The following GPC6 variants were observed in gnomAD, a reference collection of about 807,000 sequenced individuals.
GPC6 encodes glypican-6.
In GPC6, 14 loss-of-function variants were observed where a neutral mutation model predicts 55.2. The ratio of observed to expected loss-of-function variants is 0.25; its 90% CI spans 0.17 to 0.40. The LOEUF (loss-of-function observed/expected upper bound fraction) is 0.40, where lower values mean the gene tolerates loss of function less well. Among genes scored for constraint, GPC6 ranks in the 10% least tolerant of loss-of-function variants. The pLI, the probability that GPC6 is intolerant of heterozygous loss-of-function variation, is 1.00. For missense variants in GPC6, 641 were observed against 708.5 expected (o/e 0.90, Z 1.08); for synonymous variants, 278 against 259.6 (o/e 1.07, Z -0.68).
chr13:94,254,716 C>CT (rs1318049879), intron 4 of GPC6, among the ~76,000 whole-genome samples: 1 of 151,910 alleles, frequency 6.6e-6, no homozygotes, highest in Non-Finnish European at 1.5e-5. Context: ...AAAAAAATCT[C>CT]TTTTTTGGCC....
At chr13:93,827,145 G>A (rs1887294068) in intron 2 of GPC6, among the ~76,000 whole-genome samples, 1 of 152,154 alleles carries the variant, frequency 6.6e-6, no homozygotes, top group South Asian at 2.1e-4. Flanking sequence ...AAAAATTTTT[G>A]TTGACTGAAG....
intron 7 of GPC6, among the ~76,000 whole-genome samples, chr13:94,394,880 C>T (rs1396263325): frequency 6.6e-6 from 1 of 152,130 alleles, no homozygotes; most frequent in Non-Finnish European, 1.5e-5. Context: ...CTTATTGTTC[C>T]TGGATGTTCA....
At chr13:94,147,087 T>G (rs1235300718) in intron 4 of GPC6, among the ~76,000 whole-genome samples, 2 of 152,134 alleles carry the variant, frequency 1.3e-5, no homozygotes, top group Non-Finnish European at 2.9e-5. Context: ...CTACTAAATT[T>G]AAAATACAGA....
chr13:94,374,886 T>G (rs1368463001), intron 6 of GPC6, among the ~76,000 whole-genome samples: 4 of 139,684 alleles, frequency 2.9e-5, no homozygotes, highest in African/African-American at 1.1e-4. Context: ...GCAATCAAAC[T>G]AGAACTCAGG....
chr13:93,451,740 A>G (rs1210319221), intron 1 of GPC6, among the ~76,000 whole-genome samples: 1 of 152,234 alleles, frequency 6.6e-6, no homozygotes, highest in East Asian at 1.9e-4. Flanking sequence ...AATTTAAAAC[A>G]AAATTCTTTT....
intron 4 of GPC6, among the ~76,000 whole-genome samples, chr13:94,116,307 G>T (rs966678748): frequency 1.3e-5 from 2 of 152,008 alleles, no homozygotes; most frequent in African/African-American, 4.8e-5. Context: ...TGATATTGGT[G>T]TTACGGTGGT....
rs1295543797 is a variant in GPC6, at chr13:94,288,896, C to CAAAT, written c.1008+2419_1008+2422dup. 3.4e-5 allele frequency among the ~76,000 whole-genome samples: 4 copies of CAAAT among 117,784 alleles called. 1 individual carries two copies. In the Admixed American group the frequency reaches 3.8e-4, roughly 11 times the overall value. The allele number at this position is 117,784 out of a possible 152,430, so 77.3% of individuals were successfully genotyped here. Reference sequence around the variant, plus strand: ...TTATATATATAACTAATATATATAACAAATATATATATATTTGTTATATAT... The same window carrying CAAAT: ...TTATATATATAACTAATATATATAACAAATAAATATATATATATTTGTTATATAT... On this transcript the variant is annotated intron_variant, in intron 5 of 8. Coordinates refer to ENST00000377047, the MANE Select transcript of GPC6 (RefSeq NM_005708.5).
At chr13:94,200,015 G>A (rs952270876) in intron 4 of GPC6, among the ~76,000 whole-genome samples, 1 of 152,098 alleles carries the variant, frequency 6.6e-6, no homozygotes, top group African/African-American at 2.4e-5. Context: ...ATTTAGCTGG[G>A]TGTGGTGGTG....
At chr13:94,132,723 C>T (rs1018199591) in intron 4 of GPC6, among the ~76,000 whole-genome samples, 6 of 152,074 alleles carry the variant, frequency 3.9e-5, no homozygotes, top group Non-Finnish European at 5.9e-5. Context: ...GGCATGAAGG[C>T]CATTTTATCT....
intron 6 of GPC6, among the ~76,000 whole-genome samples, chr13:94,327,176 T>C (rs961426112): frequency 6.6e-6 from 1 of 152,204 alleles, no homozygotes; most frequent in Non-Finnish European, 1.5e-5. Flanking sequence ...TAAGGGCCAC[T>C]GCCTTCTGCT....
intron 1 of GPC6, among the ~76,000 whole-genome samples, chr13:93,287,818 T>A (rs1013119426): frequency 1.3e-5 from 2 of 152,236 alleles, no homozygotes; most frequent in Non-Finnish European, 2.9e-5. Context: ...AGAAGTTTAT[T>A]GTCAATTAAA....
rs1223685497 is a variant in GPC6, at chr13:93,617,096, A to G, written c.319+71675A>G. The stretch of plus-strand genomic sequence containing the variant: ...AGTTATATTTAGGCCACACCAGAAG[A>G]GCACAGAGGTTACTGGAGTAATATT... On this transcript the variant is annotated intron_variant, in intron 2 of 8. Transcript: ENST00000377047. Among the ~76,000 whole-genome samples, 5 of 152,140 alleles carry G rather than the reference A, an allele frequency of 3.3e-5. No homozygotes were observed. In the East Asian group the frequency reaches 5.8e-4, roughly 18 times the overall value.
chr13:93,512,299 G>C (rs1881011793), intron 1 of GPC6, among the ~76,000 whole-genome samples: 1 of 152,052 alleles, frequency 6.6e-6, no homozygotes. Context: ...TTAGTATGCT[G>C]TTAGTTGTGT....
chr13:93,445,439 T>C (rs1877966126), intron 1 of GPC6, among the ~76,000 whole-genome samples: 1 of 152,192 alleles, frequency 6.6e-6, no homozygotes, highest in Admixed American at 6.5e-5. Flanking sequence ...AAAGGTAATA[T>C]TGGGAACATC....
At chr13:94,152,720 C>G (rs1887786394) in intron 4 of GPC6, among the ~76,000 whole-genome samples, 1 of 152,084 alleles carries the variant, frequency 6.6e-6, no homozygotes, top group South Asian at 2.1e-4. Flanking sequence ...AGTGCTGCAA[C>G]TCTCATTAAG....
Position 93,597,597 on chromosome 13 carries a change from C to T in GPC6, c.319+52176C>T, listed in dbSNP as rs113955965. ...CTTCCACCTCTGCCACCTGTAAGAC[C>T]GCAAGACCAACCCCCTCTTCTTGCC... On this transcript the variant is annotated intron_variant, in intron 2 of 8. Transcript: ENST00000377047. Among the ~76,000 whole-genome samples the T allele has an allele frequency of 1.8e-3, 267 of 152,152 alleles. 1 individual carries two copies. Among genetic ancestry groups the T allele is most frequent in the African/African-American group, 5.0e-3 (208 of 41,498 alleles).
intron 3 of GPC6, among the ~76,000 whole-genome samples, chr13:93,867,452 A>G (rs1318698417): frequency 1.3e-5 from 2 of 151,724 alleles, no homozygotes; most frequent in Non-Finnish European, 2.9e-5. Flanking sequence ...CTTATCTCTA[A>G]AATAGGGTTA....
At chr13:94,338,120 A>AAT (rs1877816999) in intron 6 of GPC6, among the ~76,000 whole-genome samples, 1 of 152,256 alleles carries the variant, frequency 6.6e-6, no homozygotes, top group African/African-American at 2.4e-5. Context: ...CGTTTTAAAA[A>AAT]ATAGAAATCA....
At chr13:93,483,275 TA>T (rs771854220) in intron 1 of GPC6, among the ~76,000 whole-genome samples, 1 of 152,148 alleles carries the variant, frequency 6.6e-6, no homozygotes, top group Non-Finnish European at 1.5e-5. Flanking sequence ...GGTTCTCAAT[TA>T]AACCAATATA....
Sources: gnomAD v4.1 joint callset for allele counts (sites outside exome capture counted in the v4.1 genomes callset) on GRCh38, gnomAD v4.1.1 for gene constraint, MANE v1.5 for transcripts, NCBI Gene and HGNC (gene_info 2026-07-23, HGNC 2026-07-21) for gene names.